Variants in SMYD3 observed in about 807,000 individuals in gnomAD.
SMYD3 encodes SET and MYND domain containing 3, also known as histone-lysine N-methyltransferase SMYD3.
In SMYD3, 36 loss-of-function variants were observed where a neutral mutation model predicts 57.7. The ratio of observed to expected loss-of-function variants is 0.62; its 90% CI spans 0.48 to 0.82. The LOEUF is 0.82. SMYD3 is among the 40% of genes least tolerant of loss of function. The probability of loss-of-function intolerance (pLI) is 0.00; values close to 1 mark genes in which losing one functional copy is unlikely to be tolerated. For synonymous variants in SMYD3, 211 were observed against 195.0 expected (o/e 1.08, Z -0.68); for missense variants, 515 against 538.8 (o/e 0.96, Z 0.44).
chr1:246,151,221 G>C (rs2061936308), intron 5 of SMYD3, among the ~76,000 whole-genome samples: 1 of 150,812 alleles, frequency 6.6e-6, no homozygotes, highest in Non-Finnish European at 1.5e-5. Flanking sequence ...ACTCCAGCCT[G>C]GGTAACAGAG....
In SMYD3 at chr1:246,185,449, C is replaced by CTTTT. The variant is rs1183038960; in HGVS notation, c.531+141748_531+141751dup. ...ACAGGGTTTTGCCATGTTAGTGATTCTTTTTTTTTTTTTTTTTTTTTTTGA... is the reference window on the plus strand; with the variant it reads ...ACAGGGTTTTGCCATGTTAGTGATTCTTTTTTTTTTTTTTTTTTTTTTTTTTTGA... On this transcript the variant is annotated intron_variant, in intron 5 of 11. Coordinates refer to ENST00000490107, the MANE Select transcript of SMYD3 (RefSeq NM_001167740.2). Among the ~76,000 whole-genome samples, 170 of 80,044 alleles carry CTTTT rather than the reference C, an allele frequency of 2.1e-3. 2 individuals carry two copies. Among genetic ancestry groups the CTTTT allele is most frequent in the Non-Finnish European group, 3.5e-3 (153 of 44,012 alleles). The allele number at this position is 80,044 out of a possible 152,430, so 52.5% of individuals were successfully genotyped here.
intron 1 of SMYD3, among the ~76,000 whole-genome samples, chr1:246,390,482 A>T (rs931438399): frequency 3.9e-5 from 6 of 152,110 alleles, no homozygotes; most frequent in Non-Finnish European, 5.9e-5. Flanking sequence ...AGATTAAGTA[A>T]CTATAAAACT....
At chr1:246,326,510 G>A (rs564859534) in intron 5 of SMYD3, 20 of 553,754 alleles carry the variant, frequency 3.6e-5, no homozygotes, top group East Asian at 3.4e-4. Context: ...GTGGCAGTTC[G>A]CGCCTGTAAT....
intron 2 of SMYD3, among the ~76,000 whole-genome samples, chr1:246,344,363 C>G (rs955975767): frequency 6.6e-6 from 1 of 152,200 alleles, no homozygotes; most frequent in Non-Finnish European, 1.5e-5. Flanking sequence ...AGTCTTACTT[C>G]TTTTCATCTG....
At chr1:245,972,926 G>A (rs1487040859) in intron 5 of SMYD3, among the ~76,000 whole-genome samples, 1 of 152,286 alleles carries the variant, frequency 6.6e-6, no homozygotes, top group East Asian at 1.9e-4. Context: ...TTTGTTACGA[G>A]AACCTGGCCT....
chr1:246,006,476 C>T (rs78646692), intron 5 of SMYD3, among the ~76,000 whole-genome samples: 8,351 of 152,150 alleles, frequency 0.055, 270 homozygotes, highest in Non-Finnish European at 0.069. Context: ...TGTGAGAAGC[C>T]CTTACTGCAC....
At chr1:245,930,009 A>T in intron 5 of SMYD3, 72 bp from the exon 6 acceptor site, 1 of 1,346,310 alleles carries the variant, frequency 7.4e-7, no homozygotes, top group East Asian at 2.3e-5. Context: ...AGAATAAAAA[A>T]CGTTCAAACC....
chr1:246,260,593 G>C (rs1268888217), intron 5 of SMYD3, among the ~76,000 whole-genome samples: 1 of 151,970 alleles, frequency 6.6e-6, no homozygotes, highest in Non-Finnish European at 1.5e-5. Context: ...TGGGCCTACA[G>C]AGCTAATTTT....
intron 5 of SMYD3, among the ~76,000 whole-genome samples, chr1:245,979,271 G>A (rs543721928): frequency 6.6e-6 from 1 of 152,256 alleles, no homozygotes; most frequent in Non-Finnish European, 1.5e-5. Flanking sequence ...GGTGAATAAG[G>A]AAGTTCCATC....
chr1:246,501,998 T>C (rs2068463260), intron 1 of SMYD3, among the ~76,000 whole-genome samples: 1 of 152,210 alleles, frequency 6.6e-6, no homozygotes. Context: ...CCCTCATATA[T>C]GAAGATGTTC....
intron 5 of SMYD3, among the ~76,000 whole-genome samples, chr1:246,218,420 G>A (rs191399689): frequency 0.014 from 2,170 of 152,126 alleles, 53 homozygotes; most frequent in African/African-American, 0.049. Context: ...TCAGGAGATC[G>A]AGACCATCCT....
intron 5 of SMYD3, among the ~76,000 whole-genome samples, chr1:246,089,006 C>T (rs2060775412): frequency 6.6e-6 from 1 of 152,020 alleles, no homozygotes; most frequent in African/African-American, 2.4e-5. Flanking sequence ...TTTTTTGAGA[C>T]AGGGTACTGC....
At chr1:245,935,790 A>G (rs192943184) in intron 5 of SMYD3, among the ~76,000 whole-genome samples, 1 of 152,240 alleles carries the variant, frequency 6.6e-6, no homozygotes, top group African/African-American at 2.4e-5. Flanking sequence ...GTACAAAAAG[A>G]CAAATAATCC....
intron 10 of SMYD3, among the ~76,000 whole-genome samples, chr1:245,789,227 A>C (rs764994646): frequency 3.9e-5 from 6 of 152,208 alleles, no homozygotes; most frequent in Non-Finnish European, 7.3e-5. Flanking sequence ...AAGTCCTTTC[A>C]GAGAGACTTT....
intron 8 of SMYD3, among the ~76,000 whole-genome samples, chr1:245,911,063 G>C (rs2054936492): frequency 6.6e-6 from 1 of 151,612 alleles, no homozygotes; most frequent in Non-Finnish European, 1.5e-5. Flanking sequence ...ACCCAATTAA[G>C]AACAGGCAAA....
intron 5 of SMYD3, among the ~76,000 whole-genome samples, chr1:246,225,633 G>A (rs1372181336): frequency 6.6e-6 from 1 of 152,134 alleles, no homozygotes; most frequent in Non-Finnish European, 1.5e-5. Flanking sequence ...AGTGTCTCTG[G>A]AGCATCTGTA....
intron 1 of SMYD3, among the ~76,000 whole-genome samples, chr1:246,453,829 C>T (rs1213817637): frequency 1.3e-5 from 2 of 152,128 alleles, no homozygotes; most frequent in African/African-American, 2.4e-5. Context: ...CCCAAGAGCA[C>T]GGTCATGATA....
intron 7 of SMYD3, among the ~76,000 whole-genome samples, chr1:245,916,021 C>G (rs1010809847): frequency 1.3e-5 from 2 of 152,034 alleles, no homozygotes; most frequent in Non-Finnish European, 2.9e-5. Flanking sequence ...TCCTGGCAAC[C>G]GAAAGGGTGG....
chr1:245,906,237 C>T (rs916321261), intron 8 of SMYD3, among the ~76,000 whole-genome samples: 19 of 152,160 alleles, frequency 1.2e-4, no homozygotes, highest in African/African-American at 4.6e-4. Context: ...TATTTGCAAG[C>T]TACCCATCTG....
Sources: gnomAD v4.1 joint callset for allele counts (sites outside exome capture counted in the v4.1 genomes callset) on GRCh38, gnomAD v4.1.1 for gene constraint, MANE v1.5 for transcripts, NCBI Gene and HGNC (gene_info 2026-07-23, HGNC 2026-07-21) for gene names.